FKBP4: variants seen among roughly 807,000 people sequenced by gnomAD.
The protein encoded by FKBP4 is FKBP prolyl isomerase 4.
In FKBP4, 28 loss-of-function variants were observed where a neutral mutation model predicts 54.1. The ratio of observed to expected loss-of-function variants is 0.52; its 90% confidence interval spans 0.38 to 0.71. The LOEUF is 0.71. Among genes scored for constraint, FKBP4 ranks in the 30% least tolerant of loss-of-function variants. FKBP4 has a pLI of 0.00. For missense variants in FKBP4, 493 were observed against 574.4 expected, an observed-to-expected ratio of 0.86 and a Z score of 1.45; for synonymous variants, 223 against 216.1, an observed-to-expected ratio of 1.03 and a Z score of -0.28.
rs371669858 is a variant in FKBP4, at chr12:2,799,863, A to G, written c.685A>G (p.Ser229Gly). Residue 229 changes from serine (S) to glycine (G), a missense_variant, in exon 6 of 10, where the codon AGT becomes GGT. By Grantham distance (56) the Ser-to-Gly change is moderately conservative (BLOSUM62 0). Transcript: ENST00000001008. ...VYLKPSYAFGSVGKEKFQIPP... is the reference protein window; with the variant it reads ...VYLKPSYAFGGVGKEKFQIPP... ...TCACCCCTCCAGCTATGCTTTTGGC[A>G]GTGTTGGGAAGGAAAAGTTCCAAAT... The G allele has an allele frequency of 2.5e-6, 4 of 1,613,846 alleles. No homozygotes were observed. Among genetic ancestry groups the G allele is most frequent in the African/African-American group, 1.3e-5 (1 of 74,946 alleles).
intron 2 of FKBP4, 67 bp downstream of exon 2, chr12:2,797,349 AT>A: frequency 6.3e-7 from 1 of 1,580,090 alleles, no homozygotes; most frequent in African/African-American, 1.4e-5. Context: ...AGCAGAAACC[AT>A]TTTCTCAGGA....
Position 2,795,935 on chromosome 12 carries a change from C to G in FKBP4, c.105+691C>G, listed in dbSNP as rs542967166. ...ATGCCGGGAGCTGTAGTCCCCTCCC[C>G]CCTCCGCCGCCTCCCGGAGCCAGGG... On this transcript the variant is annotated intron_variant, in intron 1 of 9. Coordinates refer to ENST00000001008, the MANE Select transcript of FKBP4 (RefSeq NM_002014.4). This position sits in a 1 kb window ranked among gnomAD's most constrained non-coding sequence, Gnocchi z 4.3. 2,939 of 1,024,558 alleles carry G rather than the reference C, an allele frequency of 2.9e-3. 4 individuals are homozygous for G. Among genetic ancestry groups the G allele is most frequent in the African/African-American group, 5.4e-3 (316 of 58,010 alleles). 63.5% of individuals were successfully genotyped at this position (1,024,558 alleles called of 1,614,324 possible). A position where few individuals can be genotyped will look rare whatever the true frequency, so the allele number is the denominator to read the frequency against.
intron 1 of FKBP4, chr12:2,796,621 CT>C (rs1296943626): frequency 2.6e-6 from 3 of 1,154,836 alleles, no homozygotes; most frequent in Admixed American, 4.2e-5. Context: ...TGGTTTCTTC[CT>C]TACCTGTTTT....
Position 2,797,774 on chromosome 12 carries a change from T to G in FKBP4, c.296T>G (p.Val99Gly). ...GACATTGCCATAGCCACCATGAAGGTGGGGGAGGTGTGCCACATCACCTGC... is the reference window on the plus strand; with the variant it reads ...GACATTGCCATAGCCACCATGAAGGGGGGGGAGGTGTGCCACATCACCTGC... ...AWDIAIATMK[V>G]GEVCHITCKP... Residue 99 changes from valine to glycine, a missense_variant, in exon 3 of 10, where the codon GTG (valine) becomes GGG (glycine). Physicochemically the swap from Val to Gly is moderately radical, Grantham distance 109. Transcript: ENST00000001008. 6.2e-7 allele frequency: 1 copy of G among 1,613,832 alleles called. No individual in the cohort carries two copies.
At chr12:2,801,421 CTT>C in intron 9 of FKBP4, 65 bp downstream of exon 9, 3 of 1,599,908 alleles carry the variant, frequency 1.9e-6, no homozygotes, top group Non-Finnish European at 1.7e-6. Context: ...ACTGTGGGCT[CTT>C]TGTGCCTTTG....
At position 2,798,106 on chromosome 12, in the gene FKBP4, G is replaced by T. The variant is rs901941226; in HGVS notation, c.393+235G>T. Among the ~76,000 whole-genome samples the T allele has an allele frequency of 2.7e-4, 41 of 152,212 alleles. No homozygotes were observed. Among genetic ancestry groups the T allele is most frequent in the Non-Finnish European group, 4.6e-4 (31 of 68,046 alleles). Reference sequence around the variant, plus strand: ...TCTCCAGACTCAAAGCATGGTCAGGGTTAAGGCATCTTTATCTCCAGAGCG... The same window carrying T: ...TCTCCAGACTCAAAGCATGGTCAGGTTTAAGGCATCTTTATCTCCAGAGCG... On this transcript the variant is annotated intron_variant, in intron 3 of 9. Coordinates refer to ENST00000001008, the MANE Select transcript of FKBP4 (RefSeq NM_002014.4). The surrounding 1 kb of genome is among the most constrained non-coding windows in gnomAD (Gnocchi z 4.3).
chr12:2,799,820 G>C (rs1565397224), intron 5 of FKBP4, 30 bp from the exon 6 acceptor site: 2 of 1,593,152 alleles, frequency 1.3e-6, no homozygotes, highest in South Asian at 1.1e-5. Context: ...GTGTTGCCAA[G>C]ATGATACATA....
At position 2,798,022 on chromosome 12, in the gene FKBP4, C is replaced by CAT; in HGVS notation, c.393+151_393+152insAT. ...GGGAGGAGAAATGCAGAGGGCTCTGCTGCTGCTAGTAATGGAAGTAATAGA... is the reference window on the plus strand; with the variant it reads ...GGGAGGAGAAATGCAGAGGGCTCTGCATTGCTGCTAGTAATGGAAGTAATAGA... On this transcript the variant is annotated intron_variant, in intron 3 of 9. Transcript: ENST00000001008. This position sits in a 1 kb window ranked among gnomAD's most constrained non-coding sequence, Gnocchi z 4.3. 2.1e-6 allele frequency: 2 copies of CAT among 949,118 alleles called. No homozygotes were observed. Among genetic ancestry groups the CAT allele is most frequent in the Non-Finnish European group, 3.1e-6 (2 of 645,708 alleles). 58.8% of individuals were successfully genotyped at this position (949,118 alleles called of 1,614,324 possible).
chr12:2,801,538 A>G lies in FKBP4; in HGVS notation c.1272+182A>G, dbSNP rs1381907068. 5 of 829,358 alleles carry G rather than the reference A, an allele frequency of 6.0e-6. No homozygotes were observed. In the South Asian group the frequency reaches 6.5e-5, roughly 11 times the overall value. 51.4% of individuals were successfully genotyped at this position (829,358 alleles called of 1,614,324 possible). On this transcript the variant is annotated intron_variant, in intron 9 of 9. Coordinates refer to ENST00000001008, the MANE Select transcript of FKBP4 (RefSeq NM_002014.4). The stretch of plus-strand genomic sequence containing the variant: ...CAGTGTTCTGTGATCAGTGCGGGAA[A>G]CCTACCCACAAGCCCCAGAAGTTGG...
Position 2,798,293 on chromosome 12 carries a change from A to G in FKBP4, c.394-413A>G, listed in dbSNP as rs1178206549. 6.6e-6 allele frequency among the ~76,000 whole-genome samples: 1 copy of G among 152,218 alleles called. No individual in the cohort carries two copies. The highest frequency in any genetic ancestry group is 1.5e-5 in the Non-Finnish European group (1 of 68,038). ...CTTCACTGAGGAGATAGAACTTGAC[A>G]TTGTTCAATCTGAAAATGGTTGAGC... On this transcript the variant is annotated intron_variant, in intron 3 of 9. Coordinates refer to ENST00000001008, the MANE Select transcript of FKBP4 (RefSeq NM_002014.4). The surrounding 1 kb of genome is among the most constrained non-coding windows in gnomAD (Gnocchi z 4.3).
rs144527066 is a variant in FKBP4 at position 2,799,228 on chromosome 12, G to A, written c.655G>A (p.Val219Met). 72 of 1,528,012 alleles carry A rather than the reference G, an allele frequency of 4.7e-5. No individual in the cohort carries two copies. The highest frequency in any genetic ancestry group is 2.6e-5 in the South Asian group (2 of 76,330). The allele number at this position is 1,528,012 out of a possible 1,614,324, so 94.7% of individuals were successfully genotyped here. Residue 219 changes from valine (V) to methionine (M), a missense_variant, in exon 5 of 10, where the codon GTG becomes ATG. Coordinates refer to ENST00000001008, the MANE Select transcript of FKBP4 (RefSeq NM_002014.4). Reference sequence around the variant, plus strand: ...CATGGAGAAAGGAGAACATTCCATCGTGTACCTCAAGCCCAGGTGAGGGGT... The same window carrying A: ...CATGGAGAAAGGAGAACATTCCATCATGTACCTCAAGCCCAGGTGAGGGGT... ...QRMEKGEHSI[V>M]YLKPSYAFGS...
Position 2,798,569 on chromosome 12 carries a change from C to A in FKBP4, c.394-137C>A. ...CCAAGAACTGAAAAAAAGTGCCACT[C>A]TACCCAACTCCTTGTGACTGCCCTT... On this transcript the variant is annotated intron_variant, in intron 3 of 9. Transcript: ENST00000001008. This position sits in a 1 kb window ranked among gnomAD's most constrained non-coding sequence, Gnocchi z 4.3. 1 of 1,444,304 alleles carries A rather than the reference C, an allele frequency of 6.9e-7. No individual in the cohort carries two copies. The highest frequency in any genetic ancestry group is 9.5e-7 in the Non-Finnish European group (1 of 1,057,326). 89.5% of individuals were successfully genotyped at this position (1,444,304 alleles called of 1,614,324 possible).
At chr12:2,799,586 G>C (rs1201141742) in intron 5 of FKBP4, among the ~76,000 whole-genome samples, 1 of 152,204 alleles carries the variant, frequency 6.6e-6, no homozygotes. Context: ...CATTGTTTCT[G>C]CCTTCTAATT....
At position 2,795,060 on chromosome 12, in the gene FKBP4, C is replaced by A. The variant is rs1449218296; in HGVS notation, c.-80C>A. ...GCCGCGCCCGGCCTCCCGCACGCCC[C>A]GCAGGTAGCGCCCCCGCCCGCGGCC... is the stretch of plus-strand genomic sequence containing the variant. On this transcript the variant is annotated 5_prime_UTR_variant, in exon 1 of 10. Transcript: ENST00000001008. The surrounding 1 kb of genome is among the most constrained non-coding windows in gnomAD (Gnocchi z 4.3). 1 of 884,226 alleles carries A rather than the reference C, an allele frequency of 1.1e-6. No homozygotes were observed. Among genetic ancestry groups the A allele is most frequent in the South Asian group, 5.5e-5 (1 of 18,276 alleles). 54.8% of individuals were successfully genotyped at this position (884,226 alleles called of 1,614,324 possible).
intron 1 of FKBP4, chr12:2,796,107 GAGA>G: frequency 1.6e-6 from 2 of 1,212,616 alleles, no homozygotes; most frequent in South Asian, 2.9e-5. Context: ...AGGTTCCAGG[GAGA>G]ATCAGAGATG....
At position 2,799,257 on chromosome 12, in the gene FKBP4, C is replaced by A; in HGVS notation, c.671+13C>A. 2.7e-6 allele frequency: 4 copies of A among 1,478,736 alleles called. No individual in the cohort carries two copies. The highest frequency in any genetic ancestry group is 1.5e-5 in the South Asian group (1 of 67,456). The allele number at this position is 1,478,736 out of a possible 1,614,324, so 91.6% of individuals were successfully genotyped here. ...ACCTCAAGCCCAGGTGAGGGGTGGG[C>A]ACTTCGTAGGGTAGGCAGGCAGGCA... On this transcript the variant is annotated intron_variant, in intron 5 of 9. Transcript: ENST00000001008.
rs757834797 is a variant in FKBP4, at chr12:2,800,138, T to C, written c.846+16T>C. On this transcript the variant is annotated intron_variant, in intron 7 of 9. Transcript: ENST00000001008. The stretch of plus-strand genomic sequence containing the variant: ...GTACTTCAAGGTGAGCCAACAGTCA[T>C]TGTCCTAAGGACACTCCCAGGAAGA... 5.0e-6 allele frequency: 8 copies of C among 1,611,200 alleles called. No individual in the cohort carries two copies. Among genetic ancestry groups the C allele is most frequent in the South Asian group, 1.1e-5 (1 of 90,994 alleles).
chr12:2,802,761 C>A (rs1468148824), intron 9 of FKBP4, among the ~76,000 whole-genome samples: 1 of 152,140 alleles, frequency 6.6e-6, no homozygotes. Flanking sequence ...TGTCTCTTGC[C>A]CTGCCGCCCA....
Position 2,798,590 on chromosome 12 carries a change from C to G in FKBP4, c.394-116C>G. ...CACTCTACCCAACTCCTTGTGACTG[C>G]CCTTGTGGTCAGATCCGGCCTGGCA... On this transcript the variant is annotated intron_variant, in intron 3 of 9. Coordinates refer to ENST00000001008, the MANE Select transcript of FKBP4 (RefSeq NM_002014.4). The surrounding 1 kb of genome is among the most constrained non-coding windows in gnomAD (Gnocchi z 4.3). The G allele has an allele frequency of 6.5e-7, 1 of 1,547,550 alleles. No individual in the cohort carries two copies. The highest frequency in any genetic ancestry group is 8.8e-7 in the Non-Finnish European group (1 of 1,137,342).
Sources: allele counts gnomAD v4.1 joint callset (sites outside exome capture counted in the v4.1 genomes callset), GRCh38; gene constraint gnomAD v4.1.1; non-coding constraint Gnocchi (gnomAD v3.1); transcripts MANE v1.5; gene names NCBI Gene and HGNC (gene_info 2026-07-23, HGNC 2026-07-21).